PZP: variants seen among roughly 807,000 people sequenced by gnomAD.
The protein encoded by PZP is pregnancy zone protein.
Under a neutral mutation model 179.8 loss-of-function variants are expected in PZP, and 150 were observed. The ratio of observed to expected loss-of-function variants is 0.83; its 90% CI spans 0.73 to 0.96. The LOEUF (loss-of-function observed/expected upper bound fraction) is 0.96. Among genes scored for constraint, PZP ranks in the 40% least tolerant of loss-of-function variants. The pLI, the probability that PZP is intolerant of heterozygous loss-of-function variation, is 0.00. For synonymous variants in PZP, 624 were observed against 652.3 expected (o/e 0.96, Z 0.66); for missense variants, 1,689 against 1,764.0 (o/e 0.96, Z 0.76).
intron 13 of PZP, among the ~76,000 whole-genome samples, chr12:9,185,815 T>TTTTC (rs1244316268): frequency 1.4e-5 from 2 of 147,152 alleles, no homozygotes; most frequent in East Asian, 2.0e-4. Flanking sequence ...TTTTCTTTTC[T>TTTTC]TTTTTTTTTT....
At chr12:9,152,445 G>T in intron 31 of PZP, 135 bp from the exon 32 acceptor site, 1 of 676,072 alleles carries the variant, frequency 1.5e-6, no homozygotes, top group Non-Finnish European at 2.6e-6. Flanking sequence ...TGTGTTCCCT[G>T]GACTTGTGCA....
Position 9,152,839 on chromosome 12 carries a change from A to G in PZP, c.4106T>C (p.Ile1369Thr). Residue 1369 changes from isoleucine to threonine, a missense_variant, in exon 31 of 36, where the codon ATC (isoleucine) becomes ACC (threonine). By Grantham distance (89) the Ile-to-Thr change is moderately conservative (BLOSUM62 -1). Coordinates refer to ENST00000261336, the MANE Select transcript of PZP (RefSeq NM_002864.3). ...AACGTCTTACCTGATGGTCAGTGAG[A>G]TCTGAAAGCTGGTGTGGGCTTTGTG... ...DGHKAHTSFQISLTISYTGNR... is the reference protein window; with the variant it reads ...DGHKAHTSFQTSLTISYTGNR... The G allele has an allele frequency of 6.2e-7, 1 of 1,614,100 alleles. No homozygotes were observed. Among genetic ancestry groups the G allele is most frequent in the Non-Finnish European group, 8.5e-7 (1 of 1,179,992 alleles).
At chr12:9,162,937 C>T (rs1229677360) in intron 21 of PZP, among the ~76,000 whole-genome samples, 1 of 152,128 alleles carries the variant, frequency 6.6e-6, no homozygotes, top group Admixed American at 6.5e-5. Flanking sequence ...TCTGTCACTC[C>T]CACTCTCAGA....
intron 10 of PZP, 63 bp from the exon 11 acceptor site, chr12:9,194,301 G>A: frequency 1.4e-6 from 2 of 1,480,678 alleles, no homozygotes; most frequent in East Asian, 2.3e-5. Context: ...GAACTCATGT[G>A]AACAAATGCT....
intron 34 of PZP, among the ~76,000 whole-genome samples, 193 bp from the exon 35 acceptor site, chr12:9,149,795 G>T (rs1220137683): frequency 6.6e-6 from 1 of 152,182 alleles, no homozygotes; most frequent in Admixed American, 6.5e-5. Flanking sequence ...TGGAGATGGG[G>T]ACTGAAGCCT....
chr12:9,163,542 A>C, intron 21 of PZP, 126 bp downstream of exon 21: 1 of 1,108,886 alleles, frequency 9.0e-7, no homozygotes, highest in Non-Finnish European at 1.3e-6. Context: ...CTTTTAGGGC[A>C]GGAAATTCCA....
At chr12:9,199,450 A>G (rs1265923826) in intron 7 of PZP, among the ~76,000 whole-genome samples, 1 of 152,156 alleles carries the variant, frequency 6.6e-6, no homozygotes, top group African/African-American at 2.4e-5. Flanking sequence ...TTATTAAACA[A>G]TTTGTTCTAC....
intron 13 of PZP, among the ~76,000 whole-genome samples, chr12:9,183,384 T>C (rs1391160478): frequency 1.3e-5 from 2 of 148,938 alleles, no homozygotes; most frequent in African/African-American, 4.9e-5. Flanking sequence ...CATAACGTTA[T>C]GTTGTACACC....
intron 16 of PZP, 94 bp downstream of exon 16, chr12:9,169,336 G>C (rs1471261559): frequency 5.8e-6 from 7 of 1,207,760 alleles, no homozygotes; most frequent in African/African-American, 4.7e-5. Context: ...GAGAGGCAAG[G>C]CTACATAATT....
At chr12:9,148,481 A>T (rs1020295457), downstream of PZP, among the ~76,000 whole-genome samples, 1 of 152,100 alleles carries the variant, frequency 6.6e-6, no homozygotes, top group African/African-American at 2.4e-5. Flanking sequence ...TAATCCATAT[A>T]ATAATCTTAT....
chr12:9,202,468 G>A, intron 3 of PZP, 57 bp downstream of exon 3: 1 of 1,611,964 alleles, frequency 6.2e-7, no homozygotes, highest in South Asian at 1.1e-5. Context: ...TGGAGACTTT[G>A]GCTGTTCAGG....
intron 15 of PZP, among the ~76,000 whole-genome samples, chr12:9,172,996 C>T (rs769087851): frequency 1.3e-5 from 2 of 152,226 alleles, no homozygotes; most frequent in Non-Finnish European, 2.9e-5. Context: ...ATCTACAGAA[C>T]TCTCCACCAA....
chr12:9,155,791 T>A (rs1239997948), intron 28 of PZP: 2 of 153,336 alleles, frequency 1.3e-5, no homozygotes, highest in East Asian at 3.8e-4. Flanking sequence ...TGACATCAGT[T>A]CTACTTGTCT....
At chr12:9,192,459 C>G (rs1943513354) in intron 12 of PZP, 53 bp downstream of exon 12, 1 of 1,515,760 alleles carries the variant, frequency 6.6e-7, no homozygotes, top group Admixed American at 1.7e-5. Flanking sequence ...AGCCTATTGA[C>G]CACTTTTGTC....
In PZP at chr12:9,153,340, T is replaced by A. The variant is rs1389735171; in HGVS notation, c.3778A>T (p.Thr1260Ser). 1 of 1,613,290 alleles carries A rather than the reference T, an allele frequency of 6.2e-7. No individual in the cohort carries two copies. Among genetic ancestry groups the A allele is most frequent in the Admixed American group, 1.7e-5 (1 of 59,996 alleles). The change falls in exon 30 of 36, where the codon ACA (threonine) becomes TCA (serine). Residue 1260 changes from threonine to serine, a missense_variant. Physicochemically the swap from Thr to Ser is moderately conservative, Grantham distance 58. Transcript: ENST00000261336. ...AQGGFSSTQD[T>S]VVALHALSRY... is the part of the protein sequence containing the mutation. ...GACAGGGCATGGAGAGCCACCACTG[T>A]GTCCTGGAAGAGACGAGTGGACAAC...
chr12:9,150,642 A>G lies in PZP; in HGVS notation c.4384+2T>C, dbSNP rs1401544274. Reference sequence around the variant, plus strand: ...AGATTGTTTCATTTTTCTTTCACTCACCTGTCTCATAGTAATCATAGACTT... The same window carrying G: ...AGATTGTTTCATTTTTCTTTCACTCGCCTGTCTCATAGTAATCATAGACTT... On this transcript the variant is annotated splice_donor_variant, in intron 34 of 35. Transcript: ENST00000261336. LOFTEE classifies it high-confidence loss of function. 1.9e-6 allele frequency: 3 copies of G among 1,581,558 alleles called. No homozygotes were observed. The highest frequency in any genetic ancestry group is 2.6e-6 in the Non-Finnish European group (3 of 1,154,114).
At chr12:9,137,330 GT>G in the PZP span, among the ~76,000 whole-genome samples, 57 of 152,228 alleles carry the variant, frequency 3.7e-4, 2 homozygotes, top group African/African-American at 1.3e-3. Flanking sequence ...TCAAAGACCA[GT>G]TGACCTTTTA....
chr12:9,168,551 C>G (rs1285625709), intron 17 of PZP: 1 of 232,670 alleles, frequency 4.3e-6, no homozygotes, highest in Admixed American at 5.5e-5. Context: ...TACAGCATCC[C>G]TATGAATGTC....
Position 9,200,970 on chromosome 12 carries a change from T to C in PZP, c.592A>G (p.Ile198Val), listed in dbSNP as rs776690751. The C allele has an allele frequency of 1.9e-6, 3 of 1,613,940 alleles. No homozygotes were observed. Among genetic ancestry groups the C allele is most frequent in the Admixed American group, 1.7e-5 (1 of 60,012 alleles). The change falls in exon 6 of 36, where the codon ATT (isoleucine) becomes GTT (valine). Residue 198 changes from isoleucine to valine, a missense_variant. Around this residue, in one of 3 missense-constraint regions of PZP, gnomAD observed 742 missense variants for 730.5 expected, o/e 1.02. Transcript: ENST00000261336. ...ACCACCACCCTGTAGGAGCCCTGAA[T>C]GGGCTCTGATGAGAGGGGAAAGGAC... is the stretch of plus-strand genomic sequence containing the variant. ...QLSFPLSSEP[I>V]QGSYRVVVQT...
Sources: gnomAD v4.1 joint callset for allele counts (sites outside exome capture counted in the v4.1 genomes callset) on GRCh38, gnomAD v4.1.1 for gene constraint, gnomAD v4.1.1 regional missense constraint, MANE v1.5 for transcripts, NCBI Gene and HGNC (gene_info 2026-07-23, HGNC 2026-07-21) for gene names.